SOX5: variants seen among roughly 807,000 people sequenced by gnomAD.
The protein encoded by SOX5 is SRY-box transcription factor 5.
Under a neutral mutation model 92.0 loss-of-function variants are expected in SOX5, and 9 were observed. The observed-to-expected ratio is 0.10, with a 90% CI of 0.06 to 0.17. SOX5 has a LOEUF of 0.17. Among genes scored for constraint, SOX5 ranks in the 10% least tolerant of loss-of-function variants. The pLI is 1.00. For synonymous variants in SOX5, 344 were observed against 336.3 expected, an observed-to-expected ratio of 1.02 and a Z score of -0.25; for missense variants, 642 against 944.5, an observed-to-expected ratio of 0.68 and a Z score of 4.20.
intron 3 of SOX5, among the ~76,000 whole-genome samples, chr12:24,245,864 T>C (rs970103088): frequency 2.0e-5 from 3 of 152,060 alleles, no homozygotes; most frequent in African/African-American, 7.2e-5. Flanking sequence ...ACAGAAACAG[T>C]AAAGAAAAAA....
At chr12:23,534,562 G>A (rs1202445554) in intron 14 of SOX5, 40 bp from the exon 15 acceptor site, 1 of 1,530,774 alleles carries the variant, frequency 6.5e-7, no homozygotes, top group African/African-American at 1.4e-5. Context: ...TCGTGGGTAA[G>A]TGAATAGTTA....
At chr12:24,189,074 T>C (rs1449170523) in intron 4 of SOX5, among the ~76,000 whole-genome samples, 1 of 152,200 alleles carries the variant, frequency 6.6e-6, no homozygotes, top group Non-Finnish European at 1.5e-5. Context: ...ATCTCATTTT[T>C]GCTACAGTAA....
chr12:23,848,121 C>T (rs1568312538), intron 2 of SOX5, among the ~76,000 whole-genome samples: 3 of 152,120 alleles, frequency 2.0e-5, no homozygotes. Context: ...AAAGCAGAAA[C>T]ATCCCAATGT....
At position 24,420,274 on chromosome 12, in the gene SOX5, C is replaced by G. The variant is rs141064502; in HGVS notation, c.-250-51635G>C. ...AACATACCTAGTAACCAGAAAACAGCGCTTCTTGGAGAAATAGATGGAACA... is the reference window on the plus strand; with the variant it reads ...AACATACCTAGTAACCAGAAAACAGGGCTTCTTGGAGAAATAGATGGAACA... On this transcript the variant is annotated intron_variant, in intron 1 of 4. Transcript: ENST00000446891. Among the ~76,000 whole-genome samples, 162 of 152,286 alleles carry G rather than the reference C, an allele frequency of 1.1e-3. 1 individual carries two copies. The highest frequency in any genetic ancestry group is 3.8e-3 in the African/African-American group (158 of 41,564).
chr12:24,402,209 T>C (rs999538914), intron 1 of SOX5, among the ~76,000 whole-genome samples: 3 of 152,206 alleles, frequency 2.0e-5, no homozygotes, highest in African/African-American at 7.2e-5. Flanking sequence ...GCAGCAGTGT[T>C]AAATAGCACA....
At chr12:24,226,852 TTGAATGAATGAA>T (rs575561385) in intron 3 of SOX5, among the ~76,000 whole-genome samples, 2 of 123,048 alleles carry the variant, frequency 1.6e-5, no homozygotes, top group Non-Finnish European at 3.6e-5. Context: ...AAAACAGTGA[TTGAATGAATGAA>T]TGAATGAATG....
chr12:23,957,463 G>A (rs1946409350), intron 4 of SOX5, among the ~76,000 whole-genome samples: 1 of 152,208 alleles, frequency 6.6e-6, no homozygotes. Context: ...TACCTCACGT[G>A]TGTGATGGAA....
At chr12:24,311,236 C>A (rs1429870598) in intron 2 of SOX5, among the ~76,000 whole-genome samples, 1 of 152,210 alleles carries the variant, frequency 6.6e-6, no homozygotes, top group Admixed American at 6.5e-5. Flanking sequence ...TAAAATCATA[C>A]TTCTATTGTC....
At chr12:23,952,924 T>G (rs148568902), upstream of SOX5, among the ~76,000 whole-genome samples, 2 of 152,132 alleles carry the variant, frequency 1.3e-5, no homozygotes, top group Non-Finnish European at 2.9e-5. Flanking sequence ...GACACCATAA[T>G]GCAGAATAAA....
intron 8 of SOX5, among the ~76,000 whole-genome samples, chr12:23,608,490 G>A (rs1440377374): frequency 6.6e-6 from 1 of 152,084 alleles, no homozygotes; most frequent in Non-Finnish European, 1.5e-5. Context: ...ATAAATATAA[G>A]CAACTCCTAT....
chr12:24,394,464 G>A (rs1959344474), intron 1 of SOX5, among the ~76,000 whole-genome samples: 1 of 152,156 alleles, frequency 6.6e-6, no homozygotes, highest in Non-Finnish European at 1.5e-5. Flanking sequence ...TGACCATCCA[G>A]ACCAAGCTGA....
Position 24,247,183 on chromosome 12 carries a change from G to A in SOX5, c.-77+30033C>T, listed in dbSNP as rs1594770734. On this transcript the variant is annotated intron_variant, in intron 3 of 4. Coordinates refer to the SOX5 transcript ENST00000446891. Reference sequence around the variant, plus strand: ...CTGTGGGTAGGGACATCAACAGGGGGAATAAAAGGCCTGATCCTTGCTGGG... The same window carrying A: ...CTGTGGGTAGGGACATCAACAGGGGAAATAAAAGGCCTGATCCTTGCTGGG... Among the ~76,000 whole-genome samples the A allele has an allele frequency of 2.0e-5, 3 of 152,166 alleles. No individual in the cohort carries two copies. In the South Asian group the frequency reaches 6.2e-4, roughly 32 times the overall value.
intron 11 of SOX5, among the ~76,000 whole-genome samples, chr12:23,561,728 T>C (rs1374147455): frequency 6.6e-6 from 1 of 151,888 alleles, no homozygotes; most frequent in East Asian, 1.9e-4. Context: ...CCAAAAGGAT[T>C]TGGTCGGTTG....
intron 4 of SOX5, among the ~76,000 whole-genome samples, chr12:24,193,640 T>C (rs571424124): frequency 6.6e-6 from 1 of 152,344 alleles, no homozygotes; most frequent in East Asian, 1.9e-4. Context: ...TATTGAGTAA[T>C]GAATTTGTAC....
At chr12:23,757,657 C>T (rs926359389) in intron 3 of SOX5, among the ~76,000 whole-genome samples, 3 of 151,918 alleles carry the variant, frequency 2.0e-5, no homozygotes, top group African/African-American at 7.3e-5. Context: ...TACTGTCAGT[C>T]ATTAAAAGCT....
chr12:23,797,517 T>C (rs2095586400), intron 3 of SOX5, among the ~76,000 whole-genome samples: 1 of 151,864 alleles, frequency 6.6e-6, no homozygotes, highest in Non-Finnish European at 1.5e-5. Context: ...CTCTCGCCCT[T>C]CCACAAAAAA....
At chr12:23,683,004 T>C (rs912025375) in intron 6 of SOX5, among the ~76,000 whole-genome samples, 3 of 151,910 alleles carry the variant, frequency 2.0e-5, no homozygotes, top group Admixed American at 2.0e-4. Flanking sequence ...AATTATTGCA[T>C]ATTTTAATGT....
At chr12:23,770,732 G>C (rs2094905454) in intron 3 of SOX5, among the ~76,000 whole-genome samples, 1 of 152,174 alleles carries the variant, frequency 6.6e-6, no homozygotes, top group African/African-American at 2.4e-5. Flanking sequence ...GCTTGTTAAA[G>C]ATTCCTTTAT....
At chr12:24,230,065 TTC>T (rs1565705773) in intron 3 of SOX5, among the ~76,000 whole-genome samples, 1 of 152,150 alleles carries the variant, frequency 6.6e-6, no homozygotes, top group Non-Finnish European at 1.5e-5. Flanking sequence ...AACAACTGAT[TTC>T]TCTCATTCCT....
Sources: allele counts gnomAD v4.1 joint callset (sites outside exome capture counted in the v4.1 genomes callset), GRCh38; gene constraint gnomAD v4.1.1; transcripts MANE v1.5; gene names NCBI Gene and HGNC (gene_info 2026-07-23, HGNC 2026-07-21).